Variants in CCSER1 observed in about 807,000 individuals in gnomAD.
CCSER1 encodes the protein serine-rich coiled-coil domain-containing protein 1.
CCSER1 carries 41 observed loss-of-function variants against 82.0 expected under a neutral mutation model. The ratio of observed to expected loss-of-function variants is 0.50; its 90% confidence interval spans 0.39 to 0.65. The LOEUF (loss-of-function observed/expected upper bound fraction) is 0.65, where lower values mean the gene tolerates loss of function less well. Ranked by LOEUF, CCSER1 falls within the 30% of genes least tolerant of loss-of-function variation. The pLI, the probability that CCSER1 is intolerant of heterozygous loss-of-function variation, is 0.00. For missense variants in CCSER1, 1,119 were observed against 1,064.2 expected (o/e 1.05, Z -0.72); for synonymous variants, 414 against 383.9 (o/e 1.08, Z -0.92).
At chr4:91,452,723 A>T (rs1387979432) in intron 10 of CCSER1, among the ~76,000 whole-genome samples, 1 of 152,034 alleles carries the variant, frequency 6.6e-6, no homozygotes. Flanking sequence ...TCAATGTTTG[A>T]CCTGTAAAGC....
At chr4:91,177,255 A>G (rs1167048724) in intron 10 of CCSER1, among the ~76,000 whole-genome samples, 1 of 152,212 alleles carries the variant, frequency 6.6e-6, no homozygotes, top group African/African-American at 2.4e-5. Context: ...ATTGATGTTC[A>G]TCAGGGATAT....
chr4:90,158,821 T>C (rs191296168), intron 1 of CCSER1, among the ~76,000 whole-genome samples: 25 of 152,122 alleles, frequency 1.6e-4, no homozygotes. Context: ...CCTGACCCCT[T>C]GTGCTTCCTG....
At chr4:91,350,175 T>C (rs1436156422) in intron 10 of CCSER1, among the ~76,000 whole-genome samples, 1 of 152,216 alleles carries the variant, frequency 6.6e-6, no homozygotes, top group African/African-American at 2.4e-5. Flanking sequence ...TGTAAACTTT[T>C]ATTTAATCAT....
intron 7 of CCSER1, among the ~76,000 whole-genome samples, chr4:90,726,475 C>T (rs563568140): frequency 6.6e-5 from 10 of 152,040 alleles, no homozygotes; most frequent in Admixed American, 4.6e-4. Flanking sequence ...GGGACTATCC[C>T]AAGGTAGGTT....
At chr4:90,324,811 G>A (rs1431552673) in intron 3 of CCSER1, among the ~76,000 whole-genome samples, 1 of 152,110 alleles carries the variant, frequency 6.6e-6, no homozygotes, top group Non-Finnish European at 1.5e-5. Context: ...TAGGTCTAAA[G>A]TTTAAGTCTT....
At chr4:90,799,977 G>A (rs1561158000) in intron 7 of CCSER1, among the ~76,000 whole-genome samples, 1 of 152,254 alleles carries the variant, frequency 6.6e-6, no homozygotes, top group South Asian at 2.1e-4. Flanking sequence ...CCTGTTGCAC[G>A]CTGGACCCGT....
At chr4:90,288,973 A>G (rs755094917) in intron 1 of CCSER1, among the ~76,000 whole-genome samples, 5 of 152,070 alleles carry the variant, frequency 3.3e-5, no homozygotes, top group Non-Finnish European at 5.9e-5. Context: ...TGGAAGGTGC[A>G]GTGCCCTGTT....
chr4:90,517,967 A>G (rs1772519377), intron 5 of CCSER1, among the ~76,000 whole-genome samples: 1 of 152,100 alleles, frequency 6.6e-6, no homozygotes, highest in Admixed American at 6.6e-5. Flanking sequence ...GTGGAAGTCA[A>G]CATCTTCCTA....
chr4:90,365,765 A>G (rs1250867140), intron 3 of CCSER1, among the ~76,000 whole-genome samples: 2 of 151,930 alleles, frequency 1.3e-5, no homozygotes, highest in African/African-American at 4.8e-5. Flanking sequence ...CTTTTAAACC[A>G]TGTTTAAAGT....
chr4:91,406,784 A>T (rs963052765), intron 10 of CCSER1, among the ~76,000 whole-genome samples: 1 of 152,188 alleles, frequency 6.6e-6, no homozygotes, highest in African/African-American at 2.4e-5. Context: ...TCCATGTTTA[A>T]TGAATTTGAG....
chr4:91,390,154 C>G (rs1301251332), intron 10 of CCSER1, among the ~76,000 whole-genome samples: 1 of 151,856 alleles, frequency 6.6e-6, no homozygotes, highest in East Asian at 1.9e-4. Flanking sequence ...CTGATGTTAG[C>G]TGTAGGTTTT....
intron 10 of CCSER1, among the ~76,000 whole-genome samples, chr4:91,147,033 T>C (rs1162343592): frequency 1.3e-5 from 2 of 152,156 alleles, no homozygotes; most frequent in Non-Finnish European, 2.9e-5. Flanking sequence ...CAGGCTGTGC[T>C]TTTCTCTCCA....
intron 1 of CCSER1, among the ~76,000 whole-genome samples, chr4:90,292,558 A>G (rs938130566): frequency 6.6e-6 from 1 of 151,990 alleles, no homozygotes; most frequent in African/African-American, 2.4e-5. Context: ...TCTGTTTTTC[A>G]CATGATTGTA....
At chr4:91,220,764 A>G (rs1737664364) in intron 10 of CCSER1, among the ~76,000 whole-genome samples, 1 of 152,210 alleles carries the variant, frequency 6.6e-6, no homozygotes, top group African/African-American at 2.4e-5. Context: ...TTACTGAAAA[A>G]AAAGGAAAGA....
intron 6 of CCSER1, among the ~76,000 whole-genome samples, chr4:90,649,957 C>T (rs1033163499): frequency 3.9e-5 from 6 of 152,088 alleles, no homozygotes; most frequent in Admixed American, 2.0e-4. Flanking sequence ...AAAAATTAGC[C>T]TGTAATCCCA....
intron 10 of CCSER1, among the ~76,000 whole-genome samples, chr4:91,435,749 G>A (rs573916459): frequency 1.3e-5 from 2 of 152,128 alleles, no homozygotes; most frequent in Non-Finnish European, 2.9e-5. Flanking sequence ...AGCTTTATTT[G>A]AGATATCTCC....
rs143708600 is a variant in CCSER1 at position 90,548,946 on chromosome 4, T to C, written c.1725-79079T>C. On this transcript the variant is annotated intron_variant, in intron 5 of 10. Coordinates refer to ENST00000509176, the MANE Select transcript of CCSER1 (RefSeq NM_001145065.2). ...CTTAGACTCTGAATCAAGATTGAGTTGGTTTGTTCTGGAAACCAAGAATTT... is the reference window on the plus strand; with the variant it reads ...CTTAGACTCTGAATCAAGATTGAGTCGGTTTGTTCTGGAAACCAAGAATTT... 7.6e-3 allele frequency among the ~76,000 whole-genome samples: 1,157 copies of C among 152,194 alleles called. 14 individuals are homozygous for C. The highest frequency in any genetic ancestry group is 0.024 in the African/African-American group (999 of 41,548).
intron 3 of CCSER1, among the ~76,000 whole-genome samples, chr4:90,330,877 G>T (rs1739158158): frequency 6.6e-6 from 1 of 152,016 alleles, no homozygotes; most frequent in Non-Finnish European, 1.5e-5. Context: ...CAGTGCAGTG[G>T]GGTTGAACAT....
intron 3 of CCSER1, among the ~76,000 whole-genome samples, chr4:90,328,252 T>G (rs924023781): frequency 6.6e-6 from 1 of 152,128 alleles, no homozygotes; most frequent in Non-Finnish European, 1.5e-5. Context: ...ATAGGGAGAA[T>G]AGCCAAAACT....
Sources: allele counts gnomAD v4.1 joint callset (sites outside exome capture counted in the v4.1 genomes callset), GRCh38; gene constraint gnomAD v4.1.1; transcripts MANE v1.5; gene names NCBI Gene and HGNC (gene_info 2026-07-23, HGNC 2026-07-21).